Variants in ATAD3C observed in about 807,000 individuals in gnomAD.
ATAD3C encodes ATPase family AAA domain containing 3C.
Under a neutral mutation model 46.3 loss-of-function variants are expected in ATAD3C, and 38 were observed. The observed-to-expected ratio is 0.82, with a 90% CI of 0.63 to 1.08. ATAD3C has a LOEUF of 1.08. ATAD3C is among the 50% of genes least tolerant of loss of function. ATAD3C has a pLI of 0.00. For synonymous variants in ATAD3C, 220 were observed against 236.4 expected, an observed-to-expected ratio of 0.93 and a Z score of 0.63; for missense variants, 563 against 572.7, an observed-to-expected ratio of 0.98 and a Z score of 0.17.
chr1:1,455,516 T>G lies in ATAD3C; in HGVS notation c.435T>G (p.Leu145=), dbSNP rs371483525. The G allele has an allele frequency of 1.6e-5, 25 of 1,612,350 alleles. No homozygotes were observed. The highest frequency in any genetic ancestry group is 2.0e-5 in the Non-Finnish European group (24 of 1,179,468). The change falls in exon 5 of 12, where the codon CTT becomes CTG. Residue 145 remains leucine, a synonymous_variant. Coordinates refer to ENST00000378785, the MANE Select transcript of ATAD3C (RefSeq NM_001039211.3). ...AGGACGTGCTGGAGGGTGTTGTGCTTAGTGTAAGTCGGTGTGCCTGGGACC... is the reference window on the plus strand; with the variant it reads ...AGGACGTGCTGGAGGGTGTTGTGCTGAGTGTAAGTCGGTGTGCCTGGGACC... The part of the protein sequence containing the change: ...RPQDVLEGVV[L]SPSLEARVRD...
Position 1,449,707 on chromosome 1 carries a change from A to C in ATAD3C, c.-977A>C, listed in dbSNP as rs1638821916. On this transcript the variant is annotated 5_prime_UTR_variant, in exon 1 of 12. Transcript: ENST00000378785. ...TAATCCCCTTCATGATTAACTCCCC[A>C]AGGTCCTGCATATTTTCTCAATGGG... is the stretch of plus-strand genomic sequence containing the variant. The C allele has an allele frequency of 6.6e-6, 1 of 151,910 alleles. No homozygotes were observed. The highest frequency in any genetic ancestry group is 1.5e-5 in the Non-Finnish European group (1 of 67,920). The allele number at this position is 151,910 out of a possible 1,614,324, so 9.4% of individuals were successfully genotyped here. A position where few individuals can be genotyped will look rare whatever the true frequency, so the allele number is the denominator to read the frequency against.
chr1:1,466,277 G>A lies in ATAD3C; in HGVS notation c.1090-2107G>A, dbSNP rs140633333. On this transcript the variant is annotated intron_variant, in intron 11 of 11. Coordinates refer to ENST00000378785, the MANE Select transcript of ATAD3C (RefSeq NM_001039211.3). ...AAAAAAAAAAAAATGGCTGGGCGCGGTGGCTCACGCCTGTAATCCCAGCAT... is the reference window on the plus strand; with the variant it reads ...AAAAAAAAAAAAATGGCTGGGCGCGATGGCTCACGCCTGTAATCCCAGCAT... Among the ~76,000 whole-genome samples, 116 of 151,162 alleles carry A rather than the reference G, an allele frequency of 7.7e-4. No homozygotes were observed. In the East Asian group the frequency reaches 0.011, roughly 14 times the overall value.
intron 3 of ATAD3C, among the ~76,000 whole-genome samples, chr1:1,452,712 T>C (rs1638883561): frequency 6.7e-6 from 1 of 149,842 alleles, no homozygotes; most frequent in Admixed American, 6.7e-5. Context: ...AGGTAGAGAA[T>C]CACTTGAACC....
Position 1,450,322 on chromosome 1 carries a change from C to CA in ATAD3C, c.-343dup, listed in dbSNP as rs538836491. 0.011 allele frequency: 1,193 copies of CA among 108,930 alleles called. No homozygotes were observed. Among genetic ancestry groups the CA allele is most frequent in the Non-Finnish European group, 0.018 (849 of 46,946 alleles). 6.7% of individuals were successfully genotyped at this position (108,930 alleles called of 1,614,324 possible). The stretch of plus-strand genomic sequence containing the variant: ...CCTGGGCCAGAATGAGACTCCGTCT[C>CA]AAAAAAAAAAAAAAAAAAAGCATGT... On this transcript the variant is annotated 5_prime_UTR_variant, in exon 1 of 12. The change abolishes the stop of an existing upstream ORF in the 5' untranslated region. Transcript: ENST00000378785.
rs1639014999 is a variant in ATAD3C at position 1,459,092 on chromosome 1, G to A, written c.742-69G>A. 38 of 1,561,768 alleles carry A rather than the reference G, an allele frequency of 2.4e-5. No individual in the cohort carries two copies. The South Asian group carries it at 4.1e-4, about 17-fold the overall frequency. On this transcript the variant is annotated intron_variant, in intron 8 of 11. Coordinates refer to ENST00000378785, the MANE Select transcript of ATAD3C (RefSeq NM_001039211.3). The surrounding 1 kb of genome is among the most constrained non-coding windows in gnomAD (Gnocchi z 4.9). ...GCTCCCTGCAGGAGGGAGGCCTGTG[G>A]GACTTTCTGCTGTGGCTGTTTACAA... is the stretch of plus-strand genomic sequence containing the variant.
In ATAD3C at chr1:1,452,189, G is replaced by A. The variant is rs1638872518; in HGVS notation, c.152+67G>A. On this transcript the variant is annotated intron_variant, in intron 2 of 11. Coordinates refer to ENST00000378785, the MANE Select transcript of ATAD3C (RefSeq NM_001039211.3). ...CCACAGGTGTGAGTCGCTGGTCCCA[G>A]GGTGCTCTCCAGCTCTCCCAGGTCT... The A allele has an allele frequency of 2.5e-6, 4 of 1,596,410 alleles. No homozygotes were observed. In the Admixed American group the frequency reaches 5.3e-5, roughly 21 times the overall value.
At chr1:1,458,277 A>G (rs1413884654) in intron 8 of ATAD3C, among the ~76,000 whole-genome samples, 1 of 150,546 alleles carries the variant, frequency 6.6e-6, no homozygotes, top group African/African-American at 2.5e-5. Flanking sequence ...CACCACCCCC[A>G]GCCATACAGT....
At chr1:1,461,682 A>G (rs111266121) in intron 10 of ATAD3C, among the ~76,000 whole-genome samples, 6,616 of 143,636 alleles carry the variant, frequency 0.046, 373 homozygotes, top group African/African-American at 0.12. Context: ...ACCCCCATGT[A>G]GGGACTGGAG....
At chr1:1,455,992 G>A in intron 6 of ATAD3C, 76 bp downstream of exon 6, 1 of 1,598,490 alleles carries the variant, frequency 6.3e-7, no homozygotes, top group Admixed American at 1.8e-5. Context: ...GGGGGGCTCA[G>A]CTGCCTGGGG....
rs1006120946 is a variant in ATAD3C at position 1,449,711 on chromosome 1, T to C, written c.-973T>C. 1 of 151,930 alleles carries C rather than the reference T, an allele frequency of 6.6e-6. No homozygotes were observed. The highest frequency in any genetic ancestry group is 2.4e-5 in the African/African-American group (1 of 41,400). 9.4% of individuals were successfully genotyped at this position (151,930 alleles called of 1,614,324 possible). Reference sequence around the variant, plus strand: ...CCCCTTCATGATTAACTCCCCAAGGTCCTGCATATTTTCTCAATGGGCCAC... The same window carrying C: ...CCCCTTCATGATTAACTCCCCAAGGCCCTGCATATTTTCTCAATGGGCCAC... On this transcript the variant is annotated 5_prime_UTR_variant, in exon 1 of 12. Transcript: ENST00000378785.
chr1:1,450,546 A>T lies in ATAD3C; in HGVS notation c.-138A>T. ...ACGCCAGGTCTGACTAGGAAGGAGG[A>T]TGGGGAGGCAGGGCTGGGGGCTTTG... On this transcript the variant is annotated 5_prime_UTR_variant, in exon 1 of 12. It removes an upstream start codon present in the reference 5' UTR. Coordinates refer to ENST00000378785, the MANE Select transcript of ATAD3C (RefSeq NM_001039211.3). 3 of 1,086,968 alleles carry T rather than the reference A, an allele frequency of 2.8e-6. No individual in the cohort carries two copies. The highest frequency in any genetic ancestry group is 2.3e-4 in the Middle Eastern group (1 of 4,362). 67.3% of individuals were successfully genotyped at this position (1,086,968 alleles called of 1,614,324 possible). A position where few individuals can be genotyped will look rare whatever the true frequency, so the allele number is the denominator to read the frequency against.
At chr1:1,457,246 G>A (rs1286306915) in intron 8 of ATAD3C, 66 bp downstream of exon 8, 1 of 1,606,626 alleles carries the variant, frequency 6.2e-7, no homozygotes, top group Non-Finnish European at 8.5e-7. Context: ...TGTCATCCTG[G>A]GCCAGGCCGC....
chr1:1,450,405 G>C lies in ATAD3C; in HGVS notation c.-279G>C, dbSNP rs1314401818. 7.5e-6 allele frequency: 3 copies of C among 399,944 alleles called. No homozygotes were observed. Among genetic ancestry groups the C allele is most frequent in the Non-Finnish European group, 1.4e-5 (3 of 215,964 alleles). 24.8% of individuals were successfully genotyped at this position (399,944 alleles called of 1,614,324 possible). A position where few individuals can be genotyped will look rare whatever the true frequency, so the allele number is the denominator to read the frequency against. ...CCTGACTTTCTGTTGAATTGGGAAAGAGCCTCCTCCCGTCCACATGGGATG... is the reference window on the plus strand; with the variant it reads ...CCTGACTTTCTGTTGAATTGGGAAACAGCCTCCTCCCGTCCACATGGGATG... On this transcript the variant is annotated 5_prime_UTR_variant, in exon 1 of 12. Transcript: ENST00000378785.
rs1211191989 is a variant in ATAD3C at position 1,462,854 on chromosome 1, G to A, written c.1089+146G>A. The A allele has an allele frequency of 3.9e-6, 4 of 1,024,726 alleles. No homozygotes were observed. Among genetic ancestry groups the A allele is most frequent in the Admixed American group, 4.7e-5 (2 of 42,324 alleles). The allele number at this position is 1,024,726 out of a possible 1,614,324, so 63.5% of individuals were successfully genotyped here. A position where few individuals can be genotyped will look rare whatever the true frequency, so the allele number is the denominator to read the frequency against. On this transcript the variant is annotated intron_variant, in intron 11 of 11. Transcript: ENST00000378785. The surrounding 1 kb of genome is among the most constrained non-coding windows in gnomAD (Gnocchi z 4.5). ...TGCACAGATGTGACACGGGGCCCCTGCCCCAGTTGGGCCACTCCACGCAGC... is the reference window on the plus strand; with the variant it reads ...TGCACAGATGTGACACGGGGCCCCTACCCCAGTTGGGCCACTCCACGCAGC...
intron 11 of ATAD3C, among the ~76,000 whole-genome samples, chr1:1,467,673 C>T (rs1438278073): frequency 6.6e-6 from 1 of 152,092 alleles, no homozygotes; most frequent in Non-Finnish European, 1.5e-5. Context: ...TGTGCTTCCT[C>T]CAGGCGTCCT....
chr1:1,468,180 G>C (rs950758675), intron 11 of ATAD3C, among the ~76,000 whole-genome samples: 9 of 152,236 alleles, frequency 5.9e-5, no homozygotes, highest in Non-Finnish European at 1.2e-4. Context: ...TGCTGAGGAC[G>C]CAGGCAGGGC....
At chr1:1,460,327 C>A (rs1022875581) in intron 9 of ATAD3C, among the ~76,000 whole-genome samples, 1 of 151,936 alleles carries the variant, frequency 6.6e-6, no homozygotes, top group African/African-American at 2.4e-5. Context: ...GTGACCCACC[C>A]GCCTCGGCCT....
At position 1,450,424 on chromosome 1, in the gene ATAD3C, TG is replaced by T. The variant is rs1638835059; in HGVS notation, c.-257del. The T allele has an allele frequency of 2.1e-6, 1 of 470,184 alleles. No individual in the cohort carries two copies. Among genetic ancestry groups the T allele is most frequent in the East Asian group, 3.4e-5 (1 of 29,738 alleles). The allele number at this position is 470,184 out of a possible 1,614,324, so 29.1% of individuals were successfully genotyped here. ...GGGAAAGAGCCTCCTCCCGTCCACA[TG>T]GGATGGCCTTCCTGATGTGGCTCTC... On this transcript the variant is annotated 5_prime_UTR_variant, in exon 1 of 12. An upstream open reading frame in the 5' UTR loses its in-frame stop. Coordinates refer to ENST00000378785, the MANE Select transcript of ATAD3C (RefSeq NM_001039211.3).
chr1:1,450,889 T>C (rs1638847714), intron 1 of ATAD3C, 131 bp downstream of exon 1: 3 of 1,401,330 alleles, frequency 2.1e-6, no homozygotes, highest in East Asian at 2.5e-5. Context: ...AGGGCCAAGC[T>C]TGGGCGCCTC....
Sources: gnomAD v4.1 joint callset for allele counts (sites outside exome capture counted in the v4.1 genomes callset) on GRCh38, gnomAD v4.1.1 for gene constraint, Gnocchi (gnomAD v3.1) non-coding constraint, MANE v1.5 for transcripts, NCBI Gene and HGNC (gene_info 2026-07-23, HGNC 2026-07-21) for gene names.